Variants in DGKI observed in about 807,000 individuals in gnomAD.
DGKI encodes the protein diacylglycerol kinase iota.
DGKI carries 55 observed loss-of-function variants against 147.5 expected under a neutral mutation model. That is an observed-to-expected ratio of 0.37 (90% CI 0.30 to 0.47). The LOEUF (loss-of-function observed/expected upper bound fraction) is 0.47. DGKI is among the 20% of genes least tolerant of loss of function. The pLI, the probability that DGKI is intolerant of heterozygous loss-of-function variation, is 1.00. For missense variants in DGKI, 1,007 were observed against 1,323.8 expected (o/e 0.76, Z 3.71); for synonymous variants, 469 against 477.1 (o/e 0.98, Z 0.22).
intron 32 of DGKI, 117 bp from the exon 33 acceptor site, chr7:137,391,453 A>G (rs1447653343): frequency 1.5e-6 from 1 of 680,706 alleles, no homozygotes; most frequent in Non-Finnish European, 2.5e-6. Context: ...AGAACTACGC[A>G]AGGATACCTG....
At chr7:137,742,490 A>G (rs1413874404) in intron 1 of DGKI, among the ~76,000 whole-genome samples, 1 of 152,156 alleles carries the variant, frequency 6.6e-6, no homozygotes. Context: ...GATGTACACA[A>G]GAATGCCCAC....
chr7:137,722,033 C>T (rs1423443080), intron 1 of DGKI: 1 of 1,587,342 alleles, frequency 6.3e-7, no homozygotes, highest in Admixed American at 1.7e-5. Flanking sequence ...GAGAAGAAAC[C>T]TGAAGCCAAG....
chr7:137,636,547 C>A (rs1393982414), intron 6 of DGKI, among the ~76,000 whole-genome samples: 1 of 152,188 alleles, frequency 6.6e-6, no homozygotes, highest in Non-Finnish European at 1.5e-5. Context: ...CCACTCATCT[C>A]ATTCCCTCAG....
chr7:137,576,543 T>C (rs1818984077), intron 17 of DGKI, among the ~76,000 whole-genome samples: 1 of 152,226 alleles, frequency 6.6e-6, no homozygotes, highest in South Asian at 2.1e-4. Flanking sequence ...AATGTTTTTC[T>C]TAATACCTAA....
intron 27 of DGKI, among the ~76,000 whole-genome samples, chr7:137,456,618 G>A (rs1440037418): frequency 6.6e-6 from 1 of 152,194 alleles, no homozygotes; most frequent in Non-Finnish European, 1.5e-5. Flanking sequence ...CAGTATTCCT[G>A]AAGTGTGAAT....
At chr7:137,424,457 T>C (rs10274468) in intron 28 of DGKI, among the ~76,000 whole-genome samples, 61,827 of 151,810 alleles carry the variant, frequency 0.41, 13,134 homozygotes, top group East Asian at 0.74. Flanking sequence ...CCAGCGTGAG[T>C]GACGCAGAAG....
At chr7:137,715,195 T>C (rs1794339893) in intron 1 of DGKI, among the ~76,000 whole-genome samples, 1 of 152,196 alleles carries the variant, frequency 6.6e-6, no homozygotes, top group Non-Finnish European at 1.5e-5. Flanking sequence ...GGGTAGAAAC[T>C]AGGCTTCAAT....
chr7:137,597,803 AAGAT>A (rs750457784), intron 12 of DGKI, 40 bp downstream of exon 12: 4 of 1,577,272 alleles, frequency 2.5e-6, no homozygotes, highest in Non-Finnish European at 3.5e-6. Context: ...AACAATAAGA[AAGAT>A]AGAATTGGCA....
At chr7:137,567,871 T>C (rs750902030) in intron 19 of DGKI, among the ~76,000 whole-genome samples, 1 of 152,182 alleles carries the variant, frequency 6.6e-6, no homozygotes, top group Non-Finnish European at 1.5e-5. Flanking sequence ...ATGCTATGCA[T>C]ATGATGTATA....
intron 1 of DGKI, among the ~76,000 whole-genome samples, chr7:137,695,914 C>A (rs1823765048): frequency 6.6e-6 from 1 of 152,122 alleles, no homozygotes; most frequent in African/African-American, 2.4e-5. Flanking sequence ...GTCTTTTAGC[C>A]TCAGTTTCCT....
At chr7:137,545,938 G>T (rs1817849822) in intron 20 of DGKI, 1 of 702,780 alleles carries the variant, frequency 1.4e-6, no homozygotes, top group East Asian at 2.7e-5. Context: ...CTCGCCGCAG[G>T]TCCGCAGTTT....
intron 1 of DGKI, among the ~76,000 whole-genome samples, chr7:137,731,986 G>A (rs1043779175): frequency 6.6e-6 from 1 of 151,950 alleles, no homozygotes; most frequent in Admixed American, 6.6e-5. Context: ...CAACACTTTT[G>A]TGTCTGAACA....
chr7:137,811,877 A>T, intron 1 of DGKI, among the ~76,000 whole-genome samples: 1 of 151,828 alleles, frequency 6.6e-6, no homozygotes, highest in Non-Finnish European at 1.5e-5. Flanking sequence ...CTAAATACTT[A>T]TGTACATATA....
chr7:137,428,712 T>A (rs1812927381), intron 28 of DGKI, among the ~76,000 whole-genome samples: 1 of 152,078 alleles, frequency 6.6e-6, no homozygotes. Context: ...AGTCTCAGGA[T>A]ACAAAATCAA....
chr7:137,484,239 G>A, intron 23 of DGKI, among the ~76,000 whole-genome samples: 1 of 151,986 alleles, frequency 6.6e-6, no homozygotes, highest in Non-Finnish European at 1.5e-5. Context: ...TCATTGGTAG[G>A]GGGAATACCT....
chr7:137,428,696 C>T (rs1435707804), intron 28 of DGKI, among the ~76,000 whole-genome samples: 1 of 152,134 alleles, frequency 6.6e-6, no homozygotes, highest in African/African-American at 2.4e-5. Context: ...TAAGCAACTT[C>T]AGCAAAGTCT....
chr7:137,753,121 T>C (rs181100629), intron 1 of DGKI, among the ~76,000 whole-genome samples: 59 of 152,242 alleles, frequency 3.9e-4, no homozygotes, highest in Middle Eastern at 3.4e-3. Flanking sequence ...GATAATCATC[T>C]CAACTTCTCC....
intron 1 of DGKI, among the ~76,000 whole-genome samples, chr7:137,836,529 C>T (rs1480410328): frequency 6.6e-6 from 1 of 152,128 alleles, no homozygotes; most frequent in African/African-American, 2.4e-5. Flanking sequence ...TAAGTTAACC[C>T]TAGCTTCTTC....
intron 1 of DGKI, among the ~76,000 whole-genome samples, chr7:137,748,185 T>C (rs73462630): frequency 0.013 from 2,012 of 152,246 alleles, 46 homozygotes; most frequent in African/African-American, 0.046. Context: ...GTTTTGTAGC[T>C]GAGAAACTAA....
Sources: allele counts gnomAD v4.1 joint callset (sites outside exome capture counted in the v4.1 genomes callset), GRCh38; gene constraint gnomAD v4.1.1; transcripts MANE v1.5; gene names NCBI Gene and HGNC (gene_info 2026-07-23, HGNC 2026-07-21).